Variants in PDE4B observed in about 807,000 individuals in gnomAD.
PDE4B encodes phosphodiesterase 4B.
In PDE4B, 20 loss-of-function variants were observed where a neutral mutation model predicts 82.2. The observed-to-expected ratio is 0.24, with a 90% CI of 0.17 to 0.35. The LOEUF is 0.35. Ranked by LOEUF, PDE4B falls within the 10% of genes least tolerant of loss-of-function variation. PDE4B has a pLI of 1.00. For missense variants in PDE4B, 655 were observed against 907.2 expected, an observed-to-expected ratio of 0.72 and a Z score of 3.57; for synonymous variants, 320 against 318.9, an observed-to-expected ratio of 1.00 and a Z score of -0.04.
chr1:65,831,935 TG>T (rs1417370820), intron 1 of PDE4B, among the ~76,000 whole-genome samples: 7 of 152,178 alleles, frequency 4.6e-5, no homozygotes, highest in Non-Finnish European at 8.8e-5. Context: ...TATCGGGCTC[TG>T]GGGGTATCAC....
chr1:65,808,253 C>A lies in PDE4B; in HGVS notation c.-71+15005C>A, dbSNP rs529234149. ...GTAGTACAATTCTAGCTCACTATAA[C>A]CTTCAACTCCTGGGCTCAAGTGACC... On this transcript the variant is annotated intron_variant, in intron 1 of 16. Transcript: ENST00000341517. Among the ~76,000 whole-genome samples, 20 of 149,522 alleles carry A rather than the reference C, an allele frequency of 1.3e-4. 1 individual carries two copies. In the South Asian group the frequency reaches 2.1e-3, roughly 16 times the overall value.
intron 3 of PDE4B, among the ~76,000 whole-genome samples, chr1:66,189,099 G>A (rs565082448): frequency 2.6e-5 from 4 of 151,924 alleles, no homozygotes; most frequent in South Asian, 4.2e-4. Flanking sequence ...ATGAAGCTTA[G>A]TTTGGCTGGA....
chr1:65,910,418 T>C (rs1647076593), intron 1 of PDE4B, among the ~76,000 whole-genome samples: 1 of 152,206 alleles, frequency 6.6e-6, no homozygotes, highest in South Asian at 2.1e-4. Context: ...CTTGCTTGTG[T>C]CAGTCACTGT....
At chr1:65,932,965 G>A (rs571582247) in intron 3 of PDE4B, among the ~76,000 whole-genome samples, 1 of 152,086 alleles carries the variant, frequency 6.6e-6, no homozygotes. Flanking sequence ...ACACCATCAA[G>A]TGGACCAATG....
chr1:66,006,468 A>G (rs1652157024), intron 3 of PDE4B, among the ~76,000 whole-genome samples: 1 of 152,178 alleles, frequency 6.6e-6, no homozygotes, highest in Non-Finnish European at 1.5e-5. Flanking sequence ...CAGTATAGCC[A>G]GGCATGGTGG....
chr1:66,226,303 G>GAA (rs397828719), intron 3 of PDE4B, among the ~76,000 whole-genome samples: 1 of 151,872 alleles, frequency 6.6e-6, no homozygotes, highest in African/African-American at 2.4e-5. Flanking sequence ...GAACAAGATA[G>GAA]CAAGGTCCCA....
At chr1:65,958,064 G>A (rs540870967) in intron 3 of PDE4B, among the ~76,000 whole-genome samples, 55 of 152,046 alleles carry the variant, frequency 3.6e-4, no homozygotes, top group East Asian at 5.8e-4. Context: ...AGTCATGCTC[G>A]TCTTGTTTCA....
chr1:66,369,880 G>A (rs1297447945), intron 16 of PDE4B, among the ~76,000 whole-genome samples: 2 of 152,032 alleles, frequency 1.3e-5, no homozygotes, highest in Non-Finnish European at 2.9e-5. Context: ...TGGGCACAGT[G>A]GCTCATGCCT....
chr1:66,312,815 C>T (rs1266025696), intron 7 of PDE4B, among the ~76,000 whole-genome samples: 1 of 152,198 alleles, frequency 6.6e-6, no homozygotes, highest in African/African-American at 2.4e-5. Flanking sequence ...TGATGACCTT[C>T]GTGCTAAAAT....
At chr1:65,959,570 C>A (rs7551853) in intron 3 of PDE4B, among the ~76,000 whole-genome samples, 25,609 of 152,026 alleles carry the variant, frequency 0.17, 2,799 homozygotes, top group Non-Finnish European at 0.24. Flanking sequence ...CCATTACTGG[C>A]TACTCATTAT....
chr1:66,309,536 T>G (rs1658522376), intron 7 of PDE4B, among the ~76,000 whole-genome samples: 1 of 152,150 alleles, frequency 6.6e-6, no homozygotes, highest in African/African-American at 2.4e-5. Flanking sequence ...TCATTGCAGG[T>G]CAATGTGAAG....
chr1:66,292,994 C>G (rs1449844820), intron 7 of PDE4B, among the ~76,000 whole-genome samples: 1 of 152,134 alleles, frequency 6.6e-6, no homozygotes, highest in East Asian at 1.9e-4. Context: ...GCCTGGTGAC[C>G]CAGCAGCCCA....
intron 3 of PDE4B, among the ~76,000 whole-genome samples, chr1:66,125,457 C>T (rs961192286): frequency 6.6e-6 from 1 of 152,196 alleles, no homozygotes; most frequent in African/African-American, 2.4e-5. Context: ...CCACCACGCC[C>T]TGCCCCTTAC....
chr1:65,958,681 CTAA>C (rs1649381098), intron 3 of PDE4B, among the ~76,000 whole-genome samples: 1 of 151,886 alleles, frequency 6.6e-6, no homozygotes, highest in Admixed American at 6.6e-5. Context: ...TATGTTTTTT[CTAA>C]TAATGTGTCC....
intron 3 of PDE4B, among the ~76,000 whole-genome samples, chr1:66,144,765 C>T (rs1233419969): frequency 1.3e-5 from 2 of 152,144 alleles, no homozygotes; most frequent in African/African-American, 2.4e-5. Flanking sequence ...ATAAAAGAGG[C>T]CATGGTACTT....
intron 3 of PDE4B, among the ~76,000 whole-genome samples, chr1:66,087,836 G>A (rs1420757254): frequency 7.1e-6 from 1 of 140,066 alleles, no homozygotes; most frequent in Non-Finnish European, 1.5e-5. Flanking sequence ...CATGGACACA[G>A]GAAGGGGAAC....
intron 3 of PDE4B, among the ~76,000 whole-genome samples, chr1:66,134,464 CAT>C (rs1264081522): frequency 1.3e-5 from 2 of 152,172 alleles, no homozygotes; most frequent in Non-Finnish European, 2.9e-5. Flanking sequence ...AACTCCTACT[CAT>C]GTTATCAGAC....
chr1:65,992,644 C>T (rs1423773428), intron 3 of PDE4B: 1 of 952,086 alleles, frequency 1.1e-6, no homozygotes, highest in Non-Finnish European at 1.3e-6. Context: ...AAACCTCATC[C>T]ACAAGGAGGC....
chr1:66,218,523 C>T (rs576114844), intron 3 of PDE4B, among the ~76,000 whole-genome samples: 5 of 152,212 alleles, frequency 3.3e-5, no homozygotes, highest in African/African-American at 1.2e-4. Flanking sequence ...GAGCCATATC[C>T]TTAATGATCT....
Sources: gnomAD v4.1 joint callset for allele counts (sites outside exome capture counted in the v4.1 genomes callset) on GRCh38, gnomAD v4.1.1 for gene constraint, MANE v1.5 for transcripts, NCBI Gene and HGNC (gene_info 2026-07-23, HGNC 2026-07-21) for gene names.